The following CACNG4 variants were observed in gnomAD, a reference collection of about 807,000 sequenced individuals.
CACNG4 encodes voltage-dependent calcium channel gamma-4 subunit.
Under a neutral mutation model 22.9 loss-of-function variants are expected in CACNG4, and 8 were observed. The ratio of observed to expected loss-of-function variants is 0.35; its 90% confidence interval spans 0.21 to 0.63. The LOEUF (loss-of-function observed/expected upper bound fraction) is 0.63, where lower values mean the gene tolerates loss of function less well. Ranked by LOEUF, CACNG4 falls within the 30% of genes least tolerant of loss-of-function variation. CACNG4 has a pLI of 0.72. For missense variants in CACNG4, 357 were observed against 455.4 expected (o/e 0.78, Z 1.97); for synonymous variants, 188 against 191.9 (o/e 0.98, Z 0.17).
chr17:67,022,327 G>A (rs1234611422), intron 2 of CACNG4, among the ~76,000 whole-genome samples: 4 of 152,186 alleles, frequency 2.6e-5, no homozygotes, highest in South Asian at 4.2e-4. Context: ...CACTCACCTC[G>A]GGCTCCCAAA....
chr17:66,964,990 G>T lies in CACNG4; in HGVS notation c.79G>T (p.Ala27Ser). 1 of 1,611,238 alleles carries T rather than the reference G, an allele frequency of 6.2e-7. No homozygotes were observed. Among genetic ancestry groups the T allele is most frequent in the Non-Finnish European group, 8.5e-7 (1 of 1,179,212 alleles). Reference sequence around the variant, plus strand: ...CGCCGCCTTCTCGCTCATGGCCATCGCCATCGGCACCGACTACTGGCTGTA... The same window carrying T: ...CGCCGCCTTCTCGCTCATGGCCATCTCCATCGGCACCGACTACTGGCTGTA... ...AFAAFSLMAI[A>S]IGTDYWLYSS... Residue 27 changes from alanine (A) to serine (S), a missense_variant, in exon 1 of 4, where the codon GCC (alanine) becomes TCC (serine). Ala to Ser is a moderately conservative substitution (Grantham distance 99). Transcript: ENST00000262138.
intron 1 of CACNG4, among the ~76,000 whole-genome samples, chr17:66,966,295 G>A (rs113595573): frequency 0.015 from 2,346 of 152,318 alleles, 32 homozygotes; most frequent in Non-Finnish European, 0.024. Flanking sequence ...CGCTCAGATC[G>A]GGGACCGGGT....
intron 1 of CACNG4, among the ~76,000 whole-genome samples, chr17:66,970,806 G>A (rs1387873017): frequency 6.6e-6 from 1 of 152,218 alleles, no homozygotes; most frequent in African/African-American, 2.4e-5. Flanking sequence ...TCACAGACAT[G>A]TTCTCGCCCT....
chr17:67,005,292 A>G (rs540650307), intron 1 of CACNG4, among the ~76,000 whole-genome samples: 3 of 152,328 alleles, frequency 2.0e-5, no homozygotes, highest in African/African-American at 7.2e-5. Context: ...GGGCAGGGCC[A>G]TGTCATGCAG....
Position 67,031,761 on chromosome 17 carries a change from T to C in CACNG4, c.*757T>C, listed in dbSNP as rs1456758878. ...GAATGGGCAGGACAGACCCACTGACTGGACTTCAGAGTCTGGAGGGTTCCA... is the reference window on the plus strand; with the variant it reads ...GAATGGGCAGGACAGACCCACTGACCGGACTTCAGAGTCTGGAGGGTTCCA... On this transcript the variant is annotated 3_prime_UTR_variant, in exon 4 of 4. Coordinates refer to ENST00000262138, the MANE Select transcript of CACNG4 (RefSeq NM_014405.4). The surrounding 1 kb of genome is among the most constrained non-coding windows in gnomAD (Gnocchi z 4.0). 1 of 456,764 alleles carries C rather than the reference T, an allele frequency of 2.2e-6. No homozygotes were observed. The highest frequency in any genetic ancestry group is 4.4e-6 in the Non-Finnish European group (1 of 226,976). 28.3% of individuals were successfully genotyped at this position (456,764 alleles called of 1,614,324 possible). A position where few individuals can be genotyped will look rare whatever the true frequency, so the allele number is the denominator to read the frequency against.
chr17:66,976,147 G>C (rs1339860812), intron 1 of CACNG4, among the ~76,000 whole-genome samples: 1 of 152,152 alleles, frequency 6.6e-6, no homozygotes, highest in East Asian at 1.9e-4. Context: ...GGCCAGGGTA[G>C]AGGAGGACAA....
chr17:67,021,956 C>T (rs942588865), intron 2 of CACNG4, among the ~76,000 whole-genome samples: 2 of 152,202 alleles, frequency 1.3e-5, no homozygotes, highest in Non-Finnish European at 2.9e-5. Flanking sequence ...CTGGCATCTG[C>T]ACATCCACAG....
chr17:67,006,238 G>T (rs1198983954), intron 1 of CACNG4, among the ~76,000 whole-genome samples: 1 of 152,280 alleles, frequency 6.6e-6, no homozygotes, highest in Admixed American at 6.5e-5. Context: ...GGATCCAAAA[G>T]CCCTAACAGG....
chr17:67,003,390 G>A lies in CACNG4; in HGVS notation c.221-14799G>A, dbSNP rs111973806. Among the ~76,000 whole-genome samples the A allele has an allele frequency of 2.0e-3, 298 of 152,018 alleles. 1 individual carries two copies. The highest frequency in any genetic ancestry group is 6.6e-3 in the African/African-American group (275 of 41,464). On this transcript the variant is annotated intron_variant, in intron 1 of 3. Coordinates refer to ENST00000262138, the MANE Select transcript of CACNG4 (RefSeq NM_014405.4). Reference sequence around the variant, plus strand: ...TATGCTATCCAGCCAAAGGATGATCGATAGGTATTTTATCAACTAGTAGCT... The same window carrying A: ...TATGCTATCCAGCCAAAGGATGATCAATAGGTATTTTATCAACTAGTAGCT...
intron 1 of CACNG4, among the ~76,000 whole-genome samples, chr17:66,970,864 G>A (rs541946125): frequency 3.2e-4 from 49 of 152,300 alleles, no homozygotes; most frequent in African/African-American, 1.2e-3. Context: ...TCAGGAAGAG[G>A]CCCTTCAAAA....
At chr17:67,017,566 G>A (rs186940990) in intron 1 of CACNG4, among the ~76,000 whole-genome samples, 4,749 of 139,896 alleles carry the variant, frequency 0.034, 242 homozygotes, top group African/African-American at 0.12. Context: ...TCGCCAGGCT[G>A]GAGTGCAGTG....
rs185817670 is a variant in CACNG4, at chr17:67,027,816, C to T, written c.446-2650C>T. ...GGCGGATCACTGGAGGTCAGGAGTT[C>T]GAGACCAGCCTGGCCAACATGGTGA... is the stretch of plus-strand genomic sequence containing the variant. On this transcript the variant is annotated intron_variant, in intron 3 of 3. Coordinates refer to ENST00000262138, the MANE Select transcript of CACNG4 (RefSeq NM_014405.4). The surrounding 1 kb of genome is among the most constrained non-coding windows in gnomAD (Gnocchi z 4.3). 2.6e-4 allele frequency among the ~76,000 whole-genome samples: 40 copies of T among 151,642 alleles called. No homozygotes were observed. The highest frequency in any genetic ancestry group is 3.9e-4 in the Admixed American group (6 of 15,234).
At chr17:66,972,422 C>T (rs527829476) in intron 1 of CACNG4, among the ~76,000 whole-genome samples, 4 of 152,310 alleles carry the variant, frequency 2.6e-5, no homozygotes, top group South Asian at 4.1e-4. Flanking sequence ...CTGGCCTCCC[C>T]GCACTGGAAC....
chr17:67,018,787 G>A (rs1195258862), intron 2 of CACNG4, among the ~76,000 whole-genome samples: 3 of 152,138 alleles, frequency 2.0e-5, no homozygotes, highest in African/African-American at 4.8e-5. Flanking sequence ...GGGAGAAGGC[G>A]AGGAAGGTGC....
chr17:67,030,472 G>A lies in CACNG4; in HGVS notation c.452G>A (p.Ser151Asn). The change falls in exon 4 of 4, where the codon AGT becomes AAT. Residue 151 changes from serine (S) to asparagine (N), a missense_variant. By Grantham distance (46) the Ser-to-Asn change is conservative. This residue lies in a region of CACNG4 where 240 missense variants were observed against 277.6 expected (regional missense o/e 0.86). Transcript: ENST00000262138. This position sits in a 1 kb window ranked among gnomAD's most constrained non-coding sequence, Gnocchi z 6.4. ...CTCCCCGCTTCCCTTTCAGGCCTCA[G>A]TAACATCATCGGTATCATCGTCTAC... ...AGILFVAAGLSNIIGIIVYIS... is the reference protein window; with the variant it reads ...AGILFVAAGLNNIIGIIVYIS... 1.9e-6 allele frequency: 3 copies of A among 1,613,178 alleles called. No individual in the cohort carries two copies. Among genetic ancestry groups the A allele is most frequent in the Non-Finnish European group, 2.5e-6 (3 of 1,179,322 alleles).
At chr17:67,017,046 G>A (rs2035502740) in intron 1 of CACNG4, among the ~76,000 whole-genome samples, 1 of 152,102 alleles carries the variant, frequency 6.6e-6, no homozygotes, top group Non-Finnish European at 1.5e-5. Flanking sequence ...TGCACCAGCT[G>A]TGTACCTGAG....
chr17:66,991,051 C>A (rs1416698139), intron 1 of CACNG4, among the ~76,000 whole-genome samples: 34 of 152,124 alleles, frequency 2.2e-4, no homozygotes, highest in Non-Finnish European at 5.9e-5. Context: ...TTAGATGAGT[C>A]AAACCGTAAA....
At chr17:67,029,123 C>T (rs1316078869) in intron 3 of CACNG4, among the ~76,000 whole-genome samples, 2 of 150,390 alleles carry the variant, frequency 1.3e-5, no homozygotes, top group Non-Finnish European at 3.0e-5. Context: ...ACGTAAGGTC[C>T]CGAGTTTGAG....
chr17:66,988,222 C>G (rs1337132423), intron 1 of CACNG4, among the ~76,000 whole-genome samples: 1 of 152,146 alleles, frequency 6.6e-6, no homozygotes, highest in Non-Finnish European at 1.5e-5. Flanking sequence ...GGAGCTCATC[C>G]TGTCCTGTTG....
Sources: allele counts gnomAD v4.1 joint callset (sites outside exome capture counted in the v4.1 genomes callset), GRCh38; gene constraint gnomAD v4.1.1; regional missense constraint gnomAD v4.1.1; non-coding constraint Gnocchi (gnomAD v3.1); transcripts MANE v1.5; gene names NCBI Gene and HGNC (gene_info 2026-07-23, HGNC 2026-07-21).